The following DZIP3 variants were observed in gnomAD, a reference collection of about 807,000 sequenced individuals.
The protein encoded by DZIP3 is E3 ubiquitin-protein ligase DZIP3.
Under a neutral mutation model 162.0 loss-of-function variants are expected in DZIP3, and 118 were observed. The observed-to-expected ratio is 0.73, with a 90% confidence interval of 0.63 to 0.85. The LOEUF (loss-of-function observed/expected upper bound fraction) is 0.85. DZIP3 is among the 40% of genes least tolerant of loss of function. The probability of loss-of-function intolerance (pLI) is 0.00; values close to 1 mark genes in which losing one functional copy is unlikely to be tolerated. For missense variants in DZIP3, 1,331 were observed against 1,407.0 expected, an observed-to-expected ratio of 0.95 and a Z score of 0.86; for synonymous variants, 438 against 458.6, an observed-to-expected ratio of 0.96 and a Z score of 0.57.
chr3:108,631,055 A>ACACACACTCT, intron 8 of DZIP3, among the ~76,000 whole-genome samples: 28 of 18,014 alleles, frequency 1.6e-3, no homozygotes, highest in African/African-American at 3.9e-3. Flanking sequence ...ACACACACAC[A>ACACACACTCT]CTCTCTCTCT....
rs747540530 is a variant in DZIP3, at chr3:108,608,039, GT to G, written c.33-48del. The G allele has an allele frequency of 6.9e-6, 10 of 1,451,982 alleles. No homozygotes were observed. In the Admixed American group the frequency reaches 1.8e-4, roughly 25 times the overall value. 89.9% of individuals were successfully genotyped at this position (1,451,982 alleles called of 1,614,324 possible). ...TAGATTCTTTACTACTACAATTTGT[GT>G]TCTTTGTGAGAAGATGCTCTTAATA... On this transcript the variant is annotated intron_variant, in intron 2 of 32. Coordinates refer to ENST00000361582, the MANE Select transcript of DZIP3 (RefSeq NM_014648.4).
Position 108,600,728 on chromosome 3 carries a change from G to A in DZIP3, c.-72-4607G>A, listed in dbSNP as rs182982004. The stretch of plus-strand genomic sequence containing the variant: ...GGAACACTTATATAGTGCTTACTAC[G>A]TGCCAGGTACTATTCTGTCTTTTAA... On this transcript the variant is annotated intron_variant, in intron 1 of 32. Transcript: ENST00000361582. 2.2e-4 allele frequency among the ~76,000 whole-genome samples: 34 copies of A among 152,188 alleles called. No homozygotes were observed. The East Asian group carries it at 3.7e-3, about 16-fold the overall frequency.
rs578039644 is a variant in DZIP3 at position 108,621,873 on chromosome 3, G to A, written c.376-2571G>A. On this transcript the variant is annotated intron_variant, in intron 5 of 32. Transcript: ENST00000361582. ...AAGCAACCTAAGTGTCCATCCAGATGAATAAATAACGAAAATATGGTACAT... is the reference window on the plus strand; with the variant it reads ...AAGCAACCTAAGTGTCCATCCAGATAAATAAATAACGAAAATATGGTACAT... Among the ~76,000 whole-genome samples the A allele has an allele frequency of 3.9e-5, 6 of 152,186 alleles. 1 individual carries two copies. The highest frequency in any genetic ancestry group is 1.2e-4 in the African/African-American group (5 of 41,500).
intron 18 of DZIP3, 27 bp from the exon 19 acceptor site, chr3:108,654,118 C>T (rs763889884): frequency 2.2e-5 from 36 of 1,606,546 alleles, no homozygotes; most frequent in Non-Finnish European, 3.4e-6. Context: ...ATTGTAAAAG[C>T]TCACATTGAT....
intron 8 of DZIP3, among the ~76,000 whole-genome samples, chr3:108,632,516 C>T (rs183540319): frequency 1.3e-5 from 2 of 152,202 alleles, no homozygotes; most frequent in African/African-American, 2.4e-5. Flanking sequence ...TGGCATATTG[C>T]ACTACCACAG....
intron 26 of DZIP3, among the ~76,000 whole-genome samples, chr3:108,679,938 T>C (rs1944244367): frequency 6.6e-6 from 1 of 152,074 alleles, no homozygotes; most frequent in African/African-American, 2.4e-5. Flanking sequence ...GGCTATTTAA[T>C]CCTCAGAGAA....
At chr3:108,594,905 CT>C (rs1163702508) in intron 1 of DZIP3, among the ~76,000 whole-genome samples, 1 of 152,016 alleles carries the variant, frequency 6.6e-6, no homozygotes, top group Non-Finnish European at 1.5e-5. Flanking sequence ...AGACCAAAAA[CT>C]TTTAAAAAGA....
chr3:108,591,719 C>A lies in DZIP3; in HGVS notation c.-73+1880C>A, dbSNP rs1259068065. Among the ~76,000 whole-genome samples, 6 of 152,152 alleles carry A rather than the reference C, an allele frequency of 3.9e-5. No individual in the cohort carries two copies. In the East Asian group the frequency reaches 1.2e-3, roughly 29 times the overall value. The stretch of plus-strand genomic sequence containing the variant: ...AAAGGGAAGAAAAGGAGCAGGAGGC[C>A]AGGAGCAGTGGCTCACGCTTTTAAT... On this transcript the variant is annotated intron_variant, in intron 1 of 32. Transcript: ENST00000361582.
In DZIP3 at chr3:108,644,402, G is replaced by T. The variant is rs199527435; in HGVS notation, c.1380G>T (p.Pro460=). 1 of 1,613,844 alleles carries T rather than the reference G, an allele frequency of 6.2e-7. No homozygotes were observed. Among genetic ancestry groups the T allele is most frequent in the South Asian group, 1.1e-5 (1 of 91,070 alleles). ...HLLYPPNKEL[P]QSKQFDLCLL... ...TTTATCCTCCTAACAAGGAGTTACC[G>T]CAATCCAAACAGTTTGACTTATGCC... Residue 460 remains proline, a synonymous_variant, in exon 14 of 33, where the codon CCG becomes CCT. Transcript: ENST00000361582.
chr3:108,639,601 GT>G (rs1319244420), intron 12 of DZIP3, among the ~76,000 whole-genome samples: 2 of 150,992 alleles, frequency 1.3e-5, no homozygotes, highest in Non-Finnish European at 2.9e-5. Context: ...CAGTTTTCTG[GT>G]TTCTTCAGCC....
At chr3:108,619,902 TAA>T (rs60881465) in intron 5 of DZIP3, among the ~76,000 whole-genome samples, 3 of 142,790 alleles carry the variant, frequency 2.1e-5, no homozygotes, top group African/African-American at 7.8e-5. Context: ...CAGAACATAT[TAA>T]AAAAAAAAAA....
chr3:108,631,820 T>G (rs1173829772), intron 8 of DZIP3, among the ~76,000 whole-genome samples: 1 of 151,788 alleles, frequency 6.6e-6, no homozygotes, highest in Non-Finnish European at 1.5e-5. Flanking sequence ...GGATATTTCC[T>G]GTATCACCAG....
rs371960659 is a variant in DZIP3 at position 108,594,624 on chromosome 3, G to A, written c.-73+4785G>A. Among the ~76,000 whole-genome samples, 71 of 151,890 alleles carry A rather than the reference G, an allele frequency of 4.7e-4. 2 individuals are homozygous for A. The South Asian group carries it at 0.015, about 32-fold the overall frequency. On this transcript the variant is annotated intron_variant, in intron 1 of 32. Coordinates refer to ENST00000361582, the MANE Select transcript of DZIP3 (RefSeq NM_014648.4). ...TCTGCCCTCCGATAGTGCCCAATGT[G>A]TGTTGTTCCCCTGTATGTGTCTATG...
intron 26 of DZIP3, 35 bp from the exon 27 acceptor site, chr3:108,684,181 G>T (rs1944418789): frequency 2.6e-6 from 4 of 1,567,322 alleles, no homozygotes; most frequent in Non-Finnish European, 3.5e-6. Flanking sequence ...GTGGGGGGGG[G>T]TGTTGTTTAT....
At chr3:108,616,430 ATCTCTATTTTTAAAATTT>A (rs1195149012) in intron 4 of DZIP3, 93 bp from the exon 5 acceptor site, 1 of 671,010 alleles carries the variant, frequency 1.5e-6, no homozygotes, top group Non-Finnish European at 2.4e-6. Flanking sequence ...AACCGTCTTT[ATCTCTATTTTTAAAATTT>A]TCTCCAATGA....
intron 4 of DZIP3, among the ~76,000 whole-genome samples, chr3:108,614,337 G>A (rs542149600): frequency 1.3e-5 from 2 of 152,322 alleles, no homozygotes; most frequent in Admixed American, 1.3e-4. Context: ...GCTACTTGGA[G>A]TAGCTACCTG....
intron 8 of DZIP3, among the ~76,000 whole-genome samples, chr3:108,631,652 G>A (rs987058098): frequency 2.8e-5 from 4 of 143,186 alleles, no homozygotes; most frequent in African/African-American, 1.0e-4. Context: ...TCAAACTCCT[G>A]GGCTCAAGTG....
chr3:108,682,368 C>G lies in DZIP3; in HGVS notation c.2884-1848C>G, dbSNP rs182741243. Reference sequence around the variant, plus strand: ...ATTTACCATTGCTAAGATATGTCATCTACATAAGTGTCCATAAAGGTTGGA... The same window carrying G: ...ATTTACCATTGCTAAGATATGTCATGTACATAAGTGTCCATAAAGGTTGGA... On this transcript the variant is annotated intron_variant, in intron 26 of 32. Coordinates refer to ENST00000361582, the MANE Select transcript of DZIP3 (RefSeq NM_014648.4). Among the ~76,000 whole-genome samples the G allele has an allele frequency of 4.0e-5, 6 of 151,028 alleles. No homozygotes were observed. In the East Asian group the frequency reaches 1.2e-3, roughly 29 times the overall value.
intron 24 of DZIP3, among the ~76,000 whole-genome samples, chr3:108,675,222 G>T (rs1485643431): frequency 6.6e-6 from 1 of 151,902 alleles, no homozygotes; most frequent in Non-Finnish European, 1.5e-5. Flanking sequence ...CATTTGGTAG[G>T]CATGAGTTGA....
Sources: allele counts gnomAD v4.1 joint callset (sites outside exome capture counted in the v4.1 genomes callset), GRCh38; gene constraint gnomAD v4.1.1; transcripts MANE v1.5; gene names NCBI Gene and HGNC (gene_info 2026-07-23, HGNC 2026-07-21).